CELF2: variants seen among roughly 807,000 people sequenced by gnomAD.
The protein encoded by CELF2 is CUGBP Elav-like family member 2.
CELF2 carries 8 observed loss-of-function variants against 62.6 expected under a neutral mutation model. The observed-to-expected ratio is 0.13, with a 90% CI of 0.07 to 0.23. CELF2 has a LOEUF of 0.23. CELF2 is among the 10% of genes least tolerant of loss of function. The pLI is 1.00. For synonymous variants in CELF2, 258 were observed against 250.0 expected (o/e 1.03, Z -0.30); for missense variants, 333 against 671.0 (o/e 0.50, Z 5.56).
chr10:10,515,775 A>T, the CELF2 span, among the ~76,000 whole-genome samples: 1 of 152,242 alleles, frequency 6.6e-6, no homozygotes, highest in Non-Finnish European at 1.5e-5. Flanking sequence ...TGGGTCAGTC[A>T]CTAAACCAGT....
chr10:11,310,418 G>A (rs1449588805), intron 9 of CELF2, among the ~76,000 whole-genome samples: 10 of 152,156 alleles, frequency 6.6e-5, no homozygotes, highest in Non-Finnish European at 1.5e-5. Flanking sequence ...ACAGATTCTT[G>A]CTGCTCTTAC....
At chr10:10,469,697 C>A in the CELF2 span, among the ~76,000 whole-genome samples, 1 of 151,670 alleles carries the variant, frequency 6.6e-6, no homozygotes, top group African/African-American at 2.4e-5. Flanking sequence ...CTGTTTTATG[C>A]AATATTTTGT....
chr10:10,637,626 G>A, the CELF2 span, among the ~76,000 whole-genome samples: 2 of 152,184 alleles, frequency 1.3e-5, no homozygotes, highest in African/African-American at 4.8e-5. Context: ...TTCCAGCAAA[G>A]GTGACTGCGC....
intron 7 of CELF2, among the ~76,000 whole-genome samples, chr10:11,274,082 C>T (rs1047258749): frequency 5.3e-5 from 8 of 151,844 alleles, no homozygotes; most frequent in African/African-American, 1.7e-4. Context: ...CTCCTGAGCA[C>T]ACAATGTGAC....
intron 1 of CELF2, among the ~76,000 whole-genome samples, chr10:10,919,317 G>A (rs2064658317): frequency 6.6e-6 from 1 of 151,854 alleles, no homozygotes; most frequent in Admixed American, 6.6e-5. Flanking sequence ...ACGGCAATTG[G>A]GACAAAGTTA....
At chr10:10,557,899 T>C in the CELF2 span, among the ~76,000 whole-genome samples, 1 of 143,820 alleles carries the variant, frequency 7.0e-6, no homozygotes, top group Non-Finnish European at 1.5e-5. Flanking sequence ...CCTGAGACTT[T>C]GCTGAAGTTG....
In CELF2 at chr10:11,243,986, A is replaced by G. The variant is rs2137036047; in HGVS notation, c.355-5167A>G. On this transcript the variant is annotated intron_variant, in intron 3 of 12. Coordinates refer to ENST00000633077, the MANE Select transcript of CELF2 (RefSeq NM_001326342.2). This position sits in a 1 kb window ranked among gnomAD's most constrained non-coding sequence, Gnocchi z 4.1. ...ACACAGTAGGTAGATTGAATTAGCG[A>G]CCACCACATCACCTGGGCCCTCCCC... 6.6e-6 allele frequency among the ~76,000 whole-genome samples: 1 copy of G among 152,292 alleles called. No individual in the cohort carries two copies. The highest frequency in any genetic ancestry group is 2.1e-4 in the South Asian group (1 of 4,824).
the CELF2 span, among the ~76,000 whole-genome samples, chr10:10,591,447 C>A: frequency 0.17 from 25,845 of 150,888 alleles, 2,334 homozygotes; most frequent in South Asian, 0.22. Context: ...TGTATACATA[C>A]ATATAGATGT....
chr10:10,908,200 G>T (rs2063497293), intron 1 of CELF2, among the ~76,000 whole-genome samples: 1 of 138,150 alleles, frequency 7.2e-6, no homozygotes. Flanking sequence ...CCTTGTCAAA[G>T]AATGTATGAG....
chr10:10,888,956 C>T (rs1470564904), intron 1 of CELF2, among the ~76,000 whole-genome samples: 1 of 152,318 alleles, frequency 6.6e-6, no homozygotes, highest in African/African-American at 2.4e-5. Flanking sequence ...CCTACCCAAG[C>T]AAATCATAGA....
At chr10:10,508,905 A>G in the CELF2 span, among the ~76,000 whole-genome samples, 1 of 151,926 alleles carries the variant, frequency 6.6e-6, no homozygotes, top group Admixed American at 6.6e-5. Flanking sequence ...TGAACTCCTG[A>G]CCTCGTGATC....
the CELF2 span, among the ~76,000 whole-genome samples, chr10:10,570,095 A>T: frequency 6.6e-6 from 1 of 152,186 alleles, no homozygotes; most frequent in African/African-American, 2.4e-5. Context: ...GAGGTGTCAT[A>T]ACATGAGGCA....
chr10:10,831,101 T>G (rs1273118345), intron 1 of CELF2, among the ~76,000 whole-genome samples: 1 of 152,226 alleles, frequency 6.6e-6, no homozygotes, highest in Non-Finnish European at 1.5e-5. Flanking sequence ...CTAGAACTTT[T>G]TATTTTCTTC....
At chr10:11,287,111 C>T (rs1439264751) in intron 8 of CELF2, among the ~76,000 whole-genome samples, 1 of 152,182 alleles carries the variant, frequency 6.6e-6, no homozygotes, top group Non-Finnish European at 1.5e-5. Context: ...ACCAGCGCCC[C>T]TACACACACA....
chr10:11,038,504 A>G (rs570473995), intron 1 of CELF2, among the ~76,000 whole-genome samples: 1 of 152,194 alleles, frequency 6.6e-6, no homozygotes, highest in Non-Finnish European at 1.5e-5. Flanking sequence ...CCTATTAGAC[A>G]GTGATTACTC....
chr10:10,978,608 T>C (rs1163577447), intron 2 of CELF2, among the ~76,000 whole-genome samples: 1 of 152,200 alleles, frequency 6.6e-6, no homozygotes, highest in African/African-American at 2.4e-5. Context: ...GTACTACACA[T>C]GCCAAGAATG....
At chr10:10,747,833 A>T in the CELF2 span, among the ~76,000 whole-genome samples, 1 of 152,142 alleles carries the variant, frequency 6.6e-6, no homozygotes, top group African/African-American at 2.4e-5. Context: ...CAGCCTCCCG[A>T]GTAGCTGGGA....
chr10:11,315,445 A>G lies in CELF2; in HGVS notation c.1096+1187A>G, dbSNP rs991886206. ...AAAGCAAAATAATCCCAGTAATTTC[A>G]TACTGTAAAGGCTCGGAATACCTTG... On this transcript the variant is annotated intron_variant, in intron 10 of 12. Transcript: ENST00000633077. The surrounding 1 kb of genome is among the most constrained non-coding windows in gnomAD (Gnocchi z 5.8). Among the ~76,000 whole-genome samples the G allele has an allele frequency of 1.3e-5, 2 of 152,248 alleles. No individual in the cohort carries two copies. The highest frequency in any genetic ancestry group is 4.8e-5 in the African/African-American group (2 of 41,466).
At position 11,166,969 on chromosome 10, in the gene CELF2, C is replaced by T. The variant is rs964301872; in HGVS notation, c.271+1287C>T. ...TACTCGTTTTAGAAAGGTGGACATG[C>T]GTGTCTTCGGAGTGTGTTCATAACA... On this transcript the variant is annotated intron_variant, in intron 2 of 12. Coordinates refer to ENST00000633077, the MANE Select transcript of CELF2 (RefSeq NM_001326342.2). Among the ~76,000 whole-genome samples, 7 of 152,182 alleles carry T rather than the reference C, an allele frequency of 4.6e-5. No individual in the cohort carries two copies. In the South Asian group the frequency reaches 8.3e-4, roughly 18 times the overall value.
Sources: gnomAD v4.1 joint callset for allele counts (sites outside exome capture counted in the v4.1 genomes callset) on GRCh38, gnomAD v4.1.1 for gene constraint, Gnocchi (gnomAD v3.1) non-coding constraint, MANE v1.5 for transcripts, NCBI Gene and HGNC (gene_info 2026-07-23, HGNC 2026-07-21) for gene names.